ETV1: variants seen among roughly 807,000 people sequenced by gnomAD.
The protein encoded by ETV1 is ETS translocation variant 1.
A neutral mutation model predicts 62.3 loss-of-function variants in ETV1; 27 were observed. That is an observed-to-expected ratio of 0.43 (90% CI 0.32 to 0.60). The LOEUF (loss-of-function observed/expected upper bound fraction) is 0.60. ETV1 is among the 20% of genes least tolerant of loss of function. ETV1 has a pLI of 0.06. For synonymous variants in ETV1, 222 were observed against 199.6 expected, an observed-to-expected ratio of 1.11 and a Z score of -0.94; for missense variants, 605 against 605.8, an observed-to-expected ratio of 1.00 and a Z score of 0.01.
At chr7:13,910,233 T>C (rs1247926683) in intron 10 of ETV1, among the ~76,000 whole-genome samples, 2 of 133,978 alleles carry the variant, frequency 1.5e-5, no homozygotes, top group African/African-American at 6.0e-5. Context: ...TTTCCCTTTT[T>C]TTTTTTTTTT....
At chr7:13,908,419 G>C (rs940174352) in intron 11 of ETV1, among the ~76,000 whole-genome samples, 5 of 152,046 alleles carry the variant, frequency 3.3e-5, no homozygotes, top group Non-Finnish European at 7.4e-5. Context: ...ACTAATGAAG[G>C]TCATTCCAAG....
chr7:13,901,554 T>TG (rs1446853966), intron 12 of ETV1, among the ~76,000 whole-genome samples: 2 of 152,192 alleles, frequency 1.3e-5, no homozygotes, highest in Non-Finnish European at 2.9e-5. Context: ...CTTGTAAAGG[T>TG]GTTTTACTGA....
At chr7:13,957,468 A>G (rs1789617849) in intron 6 of ETV1, among the ~76,000 whole-genome samples, 1 of 152,232 alleles carries the variant, frequency 6.6e-6, no homozygotes. Flanking sequence ...ATCACAAATC[A>G]ATTATAGGGA....
chr7:13,903,762 C>CAAA (rs534972176), intron 12 of ETV1, among the ~76,000 whole-genome samples: 139 of 93,138 alleles, frequency 1.5e-3, no homozygotes, highest in African/African-American at 4.9e-3. Context: ...GATTCCATCT[C>CAAA]AAAAAAAAAA....
intron 6 of ETV1, among the ~76,000 whole-genome samples, chr7:13,940,288 G>T (rs1222489903): frequency 6.6e-6 from 1 of 151,004 alleles, no homozygotes; most frequent in African/African-American, 2.4e-5. Context: ...CTTGAACCCA[G>T]AAGGTGGAGG....
At chr7:13,959,743 A>G (rs908691707) in intron 6 of ETV1, among the ~76,000 whole-genome samples, 3 of 151,836 alleles carry the variant, frequency 2.0e-5, no homozygotes, top group Non-Finnish European at 4.4e-5. Context: ...AAGTAGCCAG[A>G]GTGGTGGCAC....
chr7:13,975,288 T>C (rs1241300487), intron 6 of ETV1, among the ~76,000 whole-genome samples: 1 of 152,088 alleles, frequency 6.6e-6, no homozygotes, highest in African/African-American at 2.4e-5. Flanking sequence ...GGCTCACACC[T>C]GTGATCCCAG....
intron 13 of ETV1, among the ~76,000 whole-genome samples, chr7:13,900,021 T>TAG (rs1255350219): frequency 1.3e-5 from 2 of 152,026 alleles, no homozygotes; most frequent in Non-Finnish European, 2.9e-5. Context: ...CCCAGCAACT[T>TAG]AGGAGGCTGA....
intron 6 of ETV1, among the ~76,000 whole-genome samples, chr7:13,953,605 C>T (rs1789070201): frequency 6.6e-6 from 1 of 151,220 alleles, no homozygotes; most frequent in South Asian, 2.1e-4. Flanking sequence ...AATGTGCAGA[C>T]ACCAGAGGTG....
At chr7:13,896,760 G>GAAAGAAAT (rs773864947) in intron 13 of ETV1, among the ~76,000 whole-genome samples, 1 of 130,358 alleles carries the variant, frequency 7.7e-6, no homozygotes, top group Non-Finnish European at 1.6e-5. Context: ...AAGAAAGAAA[G>GAAAGAAAT]AAAGAAAGAA....
At chr7:13,982,781 A>C (rs1029799740) in intron 5 of ETV1, among the ~76,000 whole-genome samples, 4 of 152,068 alleles carry the variant, frequency 2.6e-5, no homozygotes, top group African/African-American at 9.7e-5. Flanking sequence ...AGTGGGGGAA[A>C]ATAATTCATG....
rs1295640255 is a variant in ETV1, at chr7:13,893,148, GTCA to G, written c.*2715_*2717del. On this transcript the variant is annotated 3_prime_UTR_variant, in exon 14 of 14. Coordinates refer to ENST00000430479, the MANE Select transcript of ETV1 (RefSeq NM_004956.5). ...CAATTAATCTATTGGGTATTAACAT[GTCA>G]TCATCAAGAGACAGCAAACAGCAGT... 4 of 232,406 alleles carry G rather than the reference GTCA, an allele frequency of 1.7e-5. No homozygotes were observed. The highest frequency in any genetic ancestry group is 6.6e-5 in the African/African-American group (3 of 45,296). 14.4% of individuals were successfully genotyped at this position (232,406 alleles called of 1,614,324 possible).
chr7:13,911,289 G>T lies in ETV1; in HGVS notation c.821C>A (p.Ser274Tyr). The change falls in exon 10 of 14, where the codon TCC becomes TAC. Residue 274 changes from serine to tyrosine, a missense_variant. Around this residue, in one of 3 missense-constraint regions of ETV1, gnomAD observed 426 missense variants for 377.8 expected, o/e 1.13. Coordinates refer to ENST00000430479, the MANE Select transcript of ETV1 (RefSeq NM_004956.5). ...GAAGCCTTCTTGCCTCATATAAATGGAGTGGCAGCTAGGCACTTCTGAAAG... is the reference window on the plus strand; with the variant it reads ...GAAGCCTTCTTGCCTCATATAAATGTAGTGGCAGCTAGGCACTTCTGAAAG... ...AYDSEVPSCH[S>Y]IYMRQEGFLA... is the part of the protein sequence containing the mutation. 6.2e-7 allele frequency: 1 copy of T among 1,612,506 alleles called. No individual in the cohort carries two copies. Among genetic ancestry groups the T allele is most frequent in the Non-Finnish European group, 8.5e-7 (1 of 1,178,842 alleles).
chr7:13,932,109 G>A (rs1786256665), intron 8 of ETV1, among the ~76,000 whole-genome samples: 1 of 151,734 alleles, frequency 6.6e-6, no homozygotes, highest in South Asian at 2.1e-4. Flanking sequence ...AAATCAATTG[G>A]ATCACGGATA....
At chr7:13,948,757 C>T (rs949652202) in intron 6 of ETV1, among the ~76,000 whole-genome samples, 2 of 151,980 alleles carry the variant, frequency 1.3e-5, no homozygotes, top group Non-Finnish European at 2.9e-5. Context: ...AGAATATAGT[C>T]TATAATAAAA....
At position 13,988,749 on chromosome 7, in the gene ETV1, A is replaced by G. The variant is rs754109441; in HGVS notation, c.45+259T>C. ...AGTGCAGCAGCTGCTGCTGCCCTCC[A>G]TCTCCTCTTCCACTCATGTTGGGCA... On this transcript the variant is annotated intron_variant, in intron 3 of 13. Transcript: ENST00000430479. 15 of 1,612,514 alleles carry G rather than the reference A, an allele frequency of 9.3e-6. No individual in the cohort carries two copies. In the Admixed American group the frequency reaches 1.5e-4, roughly 16 times the overall value.
intron 11 of ETV1, among the ~76,000 whole-genome samples, chr7:13,909,244 C>T (rs1459273275): frequency 3.3e-5 from 5 of 151,916 alleles, no homozygotes; most frequent in African/African-American, 7.3e-5. Context: ...AGAGAGGCCG[C>T]GTTAGTCATC....
intron 9 of ETV1, among the ~76,000 whole-genome samples, chr7:13,930,538 G>C (rs944248819): frequency 2.6e-5 from 4 of 151,790 alleles, no homozygotes; most frequent in African/African-American, 9.7e-5. Context: ...AGCCAGGATG[G>C]TCTCAATCTC....
intron 12 of ETV1, 192 bp downstream of exon 12, chr7:13,906,238 C>A: frequency 2.3e-6 from 1 of 432,514 alleles, no homozygotes; most frequent in East Asian, 3.5e-5. Flanking sequence ...TTGTATACAA[C>A]CGGAAGGAAC....
Sources: gnomAD v4.1 joint callset for allele counts (sites outside exome capture counted in the v4.1 genomes callset) on GRCh38, gnomAD v4.1.1 for gene constraint, gnomAD v4.1.1 regional missense constraint, MANE v1.5 for transcripts, NCBI Gene and HGNC (gene_info 2026-07-23, HGNC 2026-07-21) for gene names.